Variants in THBS4 observed in about 807,000 individuals in gnomAD.
THBS4 encodes thrombospondin-4.
Under a neutral mutation model 115.7 loss-of-function variants are expected in THBS4, and 90 were observed. The ratio of observed to expected loss-of-function variants is 0.78; its 90% CI spans 0.66 to 0.93. The LOEUF (loss-of-function observed/expected upper bound fraction) is 0.93, where lower values mean the gene tolerates loss of function less well. Ranked by LOEUF, THBS4 falls within the 40% of genes least tolerant of loss-of-function variation. The pLI, the probability that THBS4 is intolerant of heterozygous loss-of-function variation, is 0.00. For synonymous variants in THBS4, 460 were observed against 479.3 expected (o/e 0.96, Z 0.53); for missense variants, 1,087 against 1,232.7 (o/e 0.88, Z 1.77).
At chr5:80,067,551 T>C (rs2112124595) in intron 9 of THBS4, 1 of 153,538 alleles carries the variant, frequency 6.5e-6, no homozygotes, top group South Asian at 2.1e-4. Context: ...TGTCATTCCA[T>C]TGTAAAAGAG....
In THBS4 at chr5:80,078,131, A is replaced by G; in HGVS notation, c.2169A>G (p.Ala723=). The stretch of plus-strand genomic sequence containing the variant: ...GGATCGACGTCTGCCCAGAGAACGC[A>G]GAGGTCACCCTGACCGACTTCAGGG... ...IDRIDVCPEN[A]EVTLTDFRAY... Residue 723 remains alanine (A), a synonymous_variant, in exon 17 of 22, where the codon GCA becomes GCG. Coordinates refer to ENST00000350881, the MANE Select transcript of THBS4 (RefSeq NM_003248.6). 6.2e-7 allele frequency: 1 copy of G among 1,612,862 alleles called. No homozygotes were observed.
intron 2 of THBS4, among the ~76,000 whole-genome samples, chr5:80,023,918 G>A (rs1039780823): frequency 6.6e-6 from 1 of 152,114 alleles, no homozygotes; most frequent in Non-Finnish European, 1.5e-5. Context: ...CACCTTTGTG[G>A]AAGGGCATTA....
intron 2 of THBS4, among the ~76,000 whole-genome samples, chr5:80,048,217 T>C (rs1430198411): frequency 6.6e-6 from 1 of 152,180 alleles, no homozygotes. Context: ...AAGAGTAAAA[T>C]TAGGATCCAT....
intron 2 of THBS4, among the ~76,000 whole-genome samples, chr5:80,009,593 C>T (rs1275316257): frequency 6.6e-6 from 1 of 151,322 alleles, no homozygotes; most frequent in African/African-American, 2.4e-5. Flanking sequence ...GTTTTCCACT[C>T]AAATTCTTTG....
At position 80,055,789 on chromosome 5, in the gene THBS4, C is replaced by G. The variant is rs753765089; in HGVS notation, c.297C>G (p.Ile99Met). The stretch of plus-strand genomic sequence containing the variant: ...TTGACCTGTGCTTGCTTCCAGCCAT[C>G]CTCCGTTACCTGAAGAACGATGGGA... ...FTVMGRLNKA[I>M]LRYLKNDGKV... The change falls in exon 3 of 22, where the codon ATC becomes ATG. Residue 99 changes from isoleucine (I) to methionine (M), a missense_variant. This residue lies in a region of THBS4 where 979 missense variants were observed against 1,103.7 expected (regional missense o/e 0.89). Transcript: ENST00000350881. The G allele has an allele frequency of 5.6e-6, 9 of 1,612,092 alleles. 1 individual carries two copies. The South Asian group carries it at 8.8e-5, about 16-fold the overall frequency.
At chr5:80,030,467 A>T (rs995647513), upstream of THBS4, among the ~76,000 whole-genome samples, 4 of 152,058 alleles carry the variant, frequency 2.6e-5, no homozygotes, top group African/African-American at 9.7e-5. Context: ...TCCCGGGTTC[A>T]AGCGATTCTC....
chr5:80,025,605 G>T (rs1832460352), intron 2 of THBS4, among the ~76,000 whole-genome samples: 1 of 152,164 alleles, frequency 6.6e-6, no homozygotes, highest in South Asian at 2.1e-4. Context: ...AAGGAAAGAA[G>T]AAGGAATCAT....
chr5:80,011,393 C>T (rs538077535), intron 2 of THBS4, among the ~76,000 whole-genome samples: 37 of 152,196 alleles, frequency 2.4e-4, no homozygotes, highest in African/African-American at 7.0e-4. Flanking sequence ...ATAGTTGCCA[C>T]GGAGGCTGGG....
rs370145020 is a variant in THBS4 at position 80,071,062 on chromosome 5, C to T, written c.1602C>T (p.Ser534=). Residue 534 remains serine, a synonymous_variant, in exon 13 of 22, where the codon AGC becomes AGT. Coordinates refer to ENST00000350881, the MANE Select transcript of THBS4 (RefSeq NM_003248.6). ...VLIHNVDQRN[S]DKDIFGDACD... ...TTCATAATGTGGACCAAAGGAACAG[C>T]GATAAAGATATCTTTGGGGATGCCT... 6.8e-6 allele frequency: 11 copies of T among 1,612,950 alleles called. No individual in the cohort carries two copies. The highest frequency in any genetic ancestry group is 1.3e-5 in the African/African-American group (1 of 74,800).
intron 2 of THBS4, among the ~76,000 whole-genome samples, chr5:80,000,547 C>T (rs1831878114): frequency 6.6e-6 from 1 of 152,212 alleles, no homozygotes; most frequent in African/African-American, 2.4e-5. Context: ...CCACCACAGC[C>T]TTCCATTTCC....
At chr5:80,028,780 T>C (rs1446416363) in intron 2 of THBS4, among the ~76,000 whole-genome samples, 1 of 152,042 alleles carries the variant, frequency 6.6e-6, no homozygotes, top group Non-Finnish European at 1.5e-5. Flanking sequence ...ACTTTCCAGA[T>C]TTTCTTTTGC....
At chr5:80,005,386 C>T (rs1831994722) in intron 2 of THBS4, among the ~76,000 whole-genome samples, 1 of 152,140 alleles carries the variant, frequency 6.6e-6, no homozygotes, top group African/African-American at 2.4e-5. Flanking sequence ...ATTTAATTAG[C>T]AAATTTGCAG....
chr5:80,045,132 TA>T (rs1415109585), intron 2 of THBS4, among the ~76,000 whole-genome samples: 1 of 152,212 alleles, frequency 6.6e-6, no homozygotes, highest in Non-Finnish European at 1.5e-5. Flanking sequence ...TTCATACTCT[TA>T]AACAGTATTA....
At chr5:80,044,214 G>GAGA (rs1580939658) in intron 2 of THBS4, among the ~76,000 whole-genome samples, 2 of 152,150 alleles carry the variant, frequency 1.3e-5, no homozygotes, top group East Asian at 3.9e-4. Flanking sequence ...TTGGTTGGGA[G>GAGA]CTCTCTTGAG....
At position 80,014,417 on chromosome 5, in the gene THBS4, G is replaced by A. The variant is rs776155943; in HGVS notation, n.177+15990G>A. On this transcript the variant is annotated intron_variant and non_coding_transcript_variant, in intron 2 of 3. Coordinates refer to the THBS4 transcript ENST00000510218. ...ACAGTGGTCCCTCGCAGATGTGGTG[G>A]GATCTCTGGAACAAGCAGAATAATG... is the stretch of plus-strand genomic sequence containing the variant. 2.0e-5 allele frequency among the ~76,000 whole-genome samples: 3 copies of A among 152,252 alleles called. No homozygotes were observed. In the South Asian group the frequency reaches 6.2e-4, roughly 32 times the overall value.
chr5:80,035,225 G>A, upstream of THBS4: 1 of 155,074 alleles, frequency 6.4e-6, no homozygotes. The surrounding 1 kb of genome is among the most constrained non-coding windows in gnomAD (Gnocchi z 4.6). Context: ...CTGCGGCCCC[G>A]GCTCGCTGCT....
At chr5:80,048,680 T>C (rs985636733) in intron 2 of THBS4, among the ~76,000 whole-genome samples, 1 of 146,670 alleles carries the variant, frequency 6.8e-6, no homozygotes, top group Non-Finnish European at 1.5e-5. Flanking sequence ...CTGTATACTT[T>C]ACATTTATTC....
chr5:80,070,508 T>A, intron 11 of THBS4, 98 bp downstream of exon 11: 1 of 1,425,218 alleles, frequency 7.0e-7, no homozygotes, highest in Non-Finnish European at 9.9e-7. Flanking sequence ...TTTAAAATTG[T>A]ACTTGTAAAG....
chr5:80,061,924 TGA>T (rs1491000713), intron 8 of THBS4, 92 bp downstream of exon 8: 2 of 1,371,276 alleles, frequency 1.5e-6, no homozygotes, highest in Non-Finnish European at 1.9e-6. Flanking sequence ...TTTACCTCCA[TGA>T]GCAGTCAAGG....
Sources: allele counts gnomAD v4.1 joint callset (sites outside exome capture counted in the v4.1 genomes callset), GRCh38; gene constraint gnomAD v4.1.1; regional missense constraint gnomAD v4.1.1; non-coding constraint Gnocchi (gnomAD v3.1); transcripts MANE v1.5; gene names NCBI Gene and HGNC (gene_info 2026-07-23, HGNC 2026-07-21).